Variants in DDX60 observed in about 807,000 individuals in gnomAD.
DDX60 encodes probable ATP-dependent RNA helicase DDX60.
A neutral mutation model predicts 212.8 loss-of-function variants in DDX60; 165 were observed. The ratio of observed to expected loss-of-function variants is 0.78; its 90% CI spans 0.68 to 0.88. The LOEUF (loss-of-function observed/expected upper bound fraction) is 0.88, where lower values mean the gene tolerates loss of function less well. Among genes scored for constraint, DDX60 ranks in the 40% least tolerant of loss-of-function variants. The pLI, the probability that DDX60 is intolerant of heterozygous loss-of-function variation, is 0.00. For synonymous variants in DDX60, 703 were observed against 685.3 expected, an observed-to-expected ratio of 1.03 and a Z score of -0.40; for missense variants, 1,905 against 2,003.9, an observed-to-expected ratio of 0.95 and a Z score of 0.94.
chr4:168,274,553 T>C (rs889493772), intron 16 of DDX60, among the ~76,000 whole-genome samples: 1 of 152,178 alleles, frequency 6.6e-6, no homozygotes, highest in African/African-American at 2.4e-5. Flanking sequence ...ATAATAAGTC[T>C]ATGTAATAGG....
chr4:168,245,018 C>T (rs1043015740), intron 30 of DDX60, among the ~76,000 whole-genome samples: 5 of 152,024 alleles, frequency 3.3e-5, no homozygotes, highest in Non-Finnish European at 1.5e-5. Flanking sequence ...TAAAAAATAC[C>T]TGAGCATTGC....
chr4:168,297,298 GA>G, intron 6 of DDX60, among the ~76,000 whole-genome samples: 1 of 4,080 alleles, frequency 2.5e-4, no homozygotes. Context: ...AGAGAGAGAC[GA>G]AAGAAAGAAA....
At position 168,225,703 on chromosome 4, in the gene DDX60, A is replaced by T. The variant is rs1249616866; in HGVS notation, c.4534-27T>A. ...TAGAAGCCGAATAATTTTCATAGAG[A>T]TAGATCTATTTACCTTCCTTCAAAA... On this transcript the variant is annotated intron_variant, in intron 33 of 37. Transcript: ENST00000393743. The T allele has an allele frequency of 1.9e-6, 3 of 1,601,106 alleles. No homozygotes were observed. The African/African-American group carries it at 4.0e-5, about 22-fold the overall frequency.
chr4:168,216,823 G>T lies in DDX60; in HGVS notation c.*110C>A. 1 of 649,284 alleles carries T rather than the reference G, an allele frequency of 1.5e-6. No homozygotes were observed. Among genetic ancestry groups the T allele is most frequent in the Non-Finnish European group, 2.6e-6 (1 of 389,720 alleles). The allele number at this position is 649,284 out of a possible 1,614,324, so 40.2% of individuals were successfully genotyped here. ...TTTGCTCTTTCCACTTCATCGTAAT[G>T]TATTTCCACTTTATCATAATGTATT... On this transcript the variant is annotated 3_prime_UTR_variant, in exon 38 of 38. Coordinates refer to ENST00000393743, the MANE Select transcript of DDX60 (RefSeq NM_017631.6).
At chr4:168,302,064 A>T (rs1736668786) in intron 6 of DDX60, among the ~76,000 whole-genome samples, 1 of 148,832 alleles carries the variant, frequency 6.7e-6, no homozygotes, top group South Asian at 2.1e-4. Context: ...GGATCCTGAA[A>T]TAGCAAAGAG....
chr4:168,271,394 T>C (rs1436405824), intron 19 of DDX60, among the ~76,000 whole-genome samples: 1 of 152,202 alleles, frequency 6.6e-6, no homozygotes, highest in Non-Finnish European at 1.5e-5. Flanking sequence ...GTGGGGAGAC[T>C]GAGGCTGAGG....
intron 30 of DDX60, among the ~76,000 whole-genome samples, chr4:168,245,710 T>C (rs1733997035): frequency 6.6e-6 from 1 of 152,160 alleles, no homozygotes; most frequent in African/African-American, 2.4e-5. Flanking sequence ...AGAACAGGTA[T>C]CATTAACAAT....
chr4:168,312,428 T>C (rs993493540), intron 1 of DDX60, among the ~76,000 whole-genome samples: 4 of 152,034 alleles, frequency 2.6e-5, no homozygotes, highest in South Asian at 2.1e-4. Context: ...TTGGTGTAGA[T>C]GAGCTTGCTT....
chr4:168,286,968 C>T (rs1467309490), intron 10 of DDX60, 80 bp downstream of exon 10: 3 of 1,046,310 alleles, frequency 2.9e-6, no homozygotes, highest in Admixed American at 6.3e-5. Context: ...TTTATACTTG[C>T]AGCACTGAAT....
chr4:168,261,331 A>C (rs1219512386), intron 24 of DDX60, among the ~76,000 whole-genome samples: 1 of 152,214 alleles, frequency 6.6e-6, no homozygotes, highest in African/African-American at 2.4e-5. Flanking sequence ...ATTATGTCAA[A>C]AAATCACATC....
rs548494621 is a variant in DDX60 at position 168,256,504 on chromosome 4, G to T, written c.3399-635C>A. Among the ~76,000 whole-genome samples, 3 of 152,106 alleles carry T rather than the reference G, an allele frequency of 2.0e-5. No individual in the cohort carries two copies. In the South Asian group the frequency reaches 6.2e-4, roughly 31 times the overall value. ...GGCTCAACCTAGCAACCTGGTCTAG[G>T]TTGGCTTTCTCAGATCTGAGCAATT... On this transcript the variant is annotated intron_variant, in intron 25 of 37. Transcript: ENST00000393743.
chr4:168,307,545 G>C (rs1455905119), intron 4 of DDX60, among the ~76,000 whole-genome samples: 1 of 152,084 alleles, frequency 6.6e-6, no homozygotes, highest in Non-Finnish European at 1.5e-5. Flanking sequence ...CTGGGCTCAA[G>C]TAATCCTCCC....
intron 25 of DDX60, 81 bp downstream of exon 25, chr4:168,260,783 GC>G: frequency 8.1e-7 from 1 of 1,235,202 alleles, no homozygotes; most frequent in Non-Finnish European, 1.2e-6. Flanking sequence ...ATGGTCTGTG[GC>G]CTGGAGGTTG....
At chr4:168,319,218 A>C (rs1488215496), upstream of DDX60, among the ~76,000 whole-genome samples, 1 of 152,208 alleles carries the variant, frequency 6.6e-6, no homozygotes, top group Non-Finnish European at 1.5e-5. Flanking sequence ...AACTAAAAAA[A>C]ACCTTAAAAG....
intron 33 of DDX60, among the ~76,000 whole-genome samples, chr4:168,235,025 C>G (rs1733583487): frequency 6.6e-6 from 1 of 152,072 alleles, no homozygotes; most frequent in African/African-American, 2.4e-5. Context: ...TCCTATAGCA[C>G]TTCCTAACCT....
At chr4:168,278,792 C>A (rs917710707) in intron 14 of DDX60, among the ~76,000 whole-genome samples, 11 of 152,164 alleles carry the variant, frequency 7.2e-5, no homozygotes, top group African/African-American at 2.7e-4. Flanking sequence ...CACACCACTG[C>A]ACTCCAGTCT....
intron 6 of DDX60, among the ~76,000 whole-genome samples, chr4:168,300,804 A>C (rs1289382547): frequency 2.0e-5 from 3 of 152,214 alleles, no homozygotes; most frequent in Admixed American, 1.3e-4. Context: ...TAACTTTGGA[A>C]ACAGTATATT....
chr4:168,229,439 G>T (rs1391577943), intron 33 of DDX60, among the ~76,000 whole-genome samples: 1 of 152,104 alleles, frequency 6.6e-6, no homozygotes, highest in East Asian at 1.9e-4. Flanking sequence ...AGACCACATG[G>T]AGAAGGAAAC....
Position 168,288,309 on chromosome 4 carries a change from A to G in DDX60, c.1048T>C (p.Trp350Arg). The G allele has an allele frequency of 6.8e-7, 1 of 1,465,412 alleles. No individual in the cohort carries two copies. Among genetic ancestry groups the G allele is most frequent in the Non-Finnish European group, 9.3e-7 (1 of 1,076,342 alleles). The allele number at this position is 1,465,412 out of a possible 1,614,324, so 90.8% of individuals were successfully genotyped here. A position where few individuals can be genotyped will look rare whatever the true frequency, so the allele number is the denominator to read the frequency against. Residue 350 changes from tryptophan to arginine, a missense_variant, in exon 9 of 38, where the codon TGG (tryptophan) becomes CGG (arginine). Coordinates refer to ENST00000393743, the MANE Select transcript of DDX60 (RefSeq NM_017631.6). ...TTTCTTAAGATGAAATATTCACACC[A>G]CTTTTTCTGAAAATTGAAAAGAAAA... ...DMKPLLQMKK[W>R]CEYFILRNIH... is the part of the protein sequence containing the mutation.
Sources: gnomAD v4.1 joint callset for allele counts (sites outside exome capture counted in the v4.1 genomes callset) on GRCh38, gnomAD v4.1.1 for gene constraint, MANE v1.5 for transcripts, NCBI Gene and HGNC (gene_info 2026-07-23, HGNC 2026-07-21) for gene names.